The following CCDC138 variants were observed in gnomAD, a reference collection of about 807,000 sequenced individuals.
CCDC138 encodes coiled-coil domain-containing protein 138.
CCDC138 carries 66 observed loss-of-function variants against 82.3 expected under a neutral mutation model. The observed-to-expected ratio is 0.80, with a 90% CI of 0.66 to 0.98. The LOEUF (loss-of-function observed/expected upper bound fraction) is 0.98. Ranked by LOEUF, CCDC138 falls within the 50% of genes least tolerant of loss-of-function variation. CCDC138 has a pLI of 0.00. For synonymous variants in CCDC138, 297 were observed against 265.4 expected, an observed-to-expected ratio of 1.12 and a Z score of -1.16; for missense variants, 816 against 758.9, an observed-to-expected ratio of 1.08 and a Z score of -0.88.
At chr2:108,838,709 C>A (rs1388121388) in intron 10 of CCDC138, among the ~76,000 whole-genome samples, 2 of 152,106 alleles carry the variant, frequency 1.3e-5, no homozygotes, top group Non-Finnish European at 2.9e-5. Flanking sequence ...AATAGTACTC[C>A]AGTTTCTGAA....
At chr2:108,792,736 A>T (rs184478045) in intron 4 of CCDC138, among the ~76,000 whole-genome samples, 1 of 152,296 alleles carries the variant, frequency 6.6e-6, no homozygotes, top group African/African-American at 2.4e-5. Context: ...CCTTTTTTAA[A>T]GCTGGGGCTT....
At position 108,813,027 on chromosome 2, in the gene CCDC138, A is replaced by C. The variant is rs559908660; in HGVS notation, c.1041+100A>C. 1.1e-5 allele frequency: 10 copies of C among 880,688 alleles called. No homozygotes were observed. In the African/African-American group the frequency reaches 1.7e-4, roughly 15 times the overall value. The allele number at this position is 880,688 out of a possible 1,614,324, so 54.6% of individuals were successfully genotyped here. A position where few individuals can be genotyped will look rare whatever the true frequency, so the allele number is the denominator to read the frequency against. ...CACTTTGGGAGGCTGAGATGGGCGG[A>C]TCACGATGTCAGGAGATCGAGACCA... On this transcript the variant is annotated intron_variant, in intron 9 of 14. Coordinates refer to ENST00000295124, the MANE Select transcript of CCDC138 (RefSeq NM_144978.3).
intron 12 of CCDC138, among the ~76,000 whole-genome samples, chr2:108,855,763 C>G (rs1252569744): frequency 6.6e-6 from 1 of 152,056 alleles, no homozygotes; most frequent in African/African-American, 2.4e-5. Flanking sequence ...TCTTAATAAC[C>G]AGGGTTTTAA....
chr2:108,827,740 C>T (rs1210002952), intron 10 of CCDC138, among the ~76,000 whole-genome samples: 2 of 151,402 alleles, frequency 1.3e-5, no homozygotes, highest in Non-Finnish European at 2.9e-5. Flanking sequence ...GGCATGAACC[C>T]AGGAGGCGGA....
Position 108,787,089 on chromosome 2 carries a change from C to CTGCGGGGG in CCDC138, c.93+186_93+193dup, listed in dbSNP as rs1553505325. Among the ~76,000 whole-genome samples, 167 of 152,048 alleles carry CTGCGGGGG rather than the reference C, an allele frequency of 1.1e-3. 1 individual carries two copies. Among genetic ancestry groups the CTGCGGGGG allele is most frequent in the African/African-American group, 3.8e-3 (159 of 41,446 alleles). Reference sequence around the variant, plus strand: ...GCAGGCGGGAGGGGCGGGCGTTGCGCTGCGGGGGTGCGGGGGTGCCGCTTC... The same window carrying CTGCGGGGG: ...GCAGGCGGGAGGGGCGGGCGTTGCGCTGCGGGGGTGCGGGGGTGCGGGGGTGCCGCTTC... On this transcript the variant is annotated intron_variant, in intron 1 of 14. Coordinates refer to ENST00000295124, the MANE Select transcript of CCDC138 (RefSeq NM_144978.3).
intron 10 of CCDC138, among the ~76,000 whole-genome samples, chr2:108,822,203 C>A (rs960886377): frequency 6.6e-6 from 1 of 152,012 alleles, no homozygotes; most frequent in Non-Finnish European, 1.5e-5. Context: ...AAAACTGTTA[C>A]AAGAGACAAA....
chr2:108,865,976 T>C (rs879553503), intron 13 of CCDC138, among the ~76,000 whole-genome samples: 26 of 152,176 alleles, frequency 1.7e-4, no homozygotes, highest in Non-Finnish European at 3.1e-4. Flanking sequence ...CCTCTTTCTC[T>C]TCCTGGGGAG....
At chr2:108,842,319 G>GT (rs1689640773) in intron 11 of CCDC138, among the ~76,000 whole-genome samples, 1 of 151,696 alleles carries the variant, frequency 6.6e-6, no homozygotes, top group Non-Finnish European at 1.5e-5. Flanking sequence ...AATTACAGAC[G>GT]TGAGCCAACC....
Position 108,798,427 on chromosome 2 carries a change from G to A in CCDC138, c.577-1G>A. 1 of 1,611,006 alleles carries A rather than the reference G, an allele frequency of 6.2e-7. No individual in the cohort carries two copies. The highest frequency in any genetic ancestry group is 1.3e-5 in the African/African-American group (1 of 74,748). On this transcript the variant is annotated splice_acceptor_variant, in intron 5 of 14. Coordinates refer to ENST00000295124, the MANE Select transcript of CCDC138 (RefSeq NM_144978.3). LOFTEE classifies it high-confidence loss of function. ...CATTAAAGTCTGGCATTTTGATACAGTGTGAAACTGCAGCACAACAGAAAT... is the reference window on the plus strand; with the variant it reads ...CATTAAAGTCTGGCATTTTGATACAATGTGAAACTGCAGCACAACAGAAAT...
At chr2:108,853,135 T>C (rs1190493330) in intron 12 of CCDC138, among the ~76,000 whole-genome samples, 2 of 152,198 alleles carry the variant, frequency 1.3e-5, no homozygotes, top group Non-Finnish European at 2.9e-5. Flanking sequence ...GATAAATAGC[T>C]GATAGACCCA....
chr2:108,881,757 G>A (rs748178395), intron 1 of CCDC138, among the ~76,000 whole-genome samples: 9 of 152,226 alleles, frequency 5.9e-5, no homozygotes, highest in African/African-American at 1.7e-4. Flanking sequence ...CAGCCAGTCA[G>A]TGGAGCAGTC....
chr2:108,836,142 G>A (rs895144317), intron 10 of CCDC138, among the ~76,000 whole-genome samples: 3 of 151,970 alleles, frequency 2.0e-5, no homozygotes, highest in Non-Finnish European at 2.9e-5. Context: ...AAACCATAGC[G>A]CTTATTAAAT....
chr2:108,798,831 A>ACACC (rs1681388437), intron 6 of CCDC138, among the ~76,000 whole-genome samples: 1 of 150,600 alleles, frequency 6.6e-6, no homozygotes. Context: ...ACACACACAC[A>ACACC]CACACACACA....
intron 10 of CCDC138, among the ~76,000 whole-genome samples, chr2:108,820,482 C>T (rs567537990): frequency 1.3e-5 from 2 of 152,052 alleles, no homozygotes; most frequent in South Asian, 4.2e-4. Flanking sequence ...CATACAAGTT[C>T]AAGAAACTCA....
At chr2:108,792,974 G>C (rs1214014606) in intron 4 of CCDC138, among the ~76,000 whole-genome samples, 2 of 151,858 alleles carry the variant, frequency 1.3e-5, no homozygotes, top group Non-Finnish European at 2.9e-5. Context: ...TGAGGCAGGA[G>C]AATCACTTGA....
At chr2:108,848,769 ATAAT>A (rs1160923499) in intron 12 of CCDC138, among the ~76,000 whole-genome samples, 9 of 152,206 alleles carry the variant, frequency 5.9e-5, no homozygotes, top group African/African-American at 9.6e-5. Context: ...AAAATGAGTA[ATAAT>A]TTATTTAATA....
intron 6 of CCDC138, among the ~76,000 whole-genome samples, chr2:108,799,250 G>A (rs1173901439): frequency 6.6e-6 from 1 of 152,018 alleles, no homozygotes; most frequent in Non-Finnish European, 1.5e-5. Context: ...AATATTTTTG[G>A]CAAGGATATT....
rs939769201 is a variant in CCDC138 at position 108,876,471 on chromosome 2, G to A, written c.*218G>A. 4.8e-5 allele frequency: 16 copies of A among 330,866 alleles called. No individual in the cohort carries two copies. In the South Asian group the frequency reaches 8.3e-4, roughly 17 times the overall value. The allele number at this position is 330,866 out of a possible 1,614,324, so 20.5% of individuals were successfully genotyped here. ...AGGTAATACTAATATACAAGATGGC[G>A]TTTCTAGAATGTATGACACTGAAGT... is the stretch of plus-strand genomic sequence containing the variant. On this transcript the variant is annotated 3_prime_UTR_variant, in exon 15 of 15. Transcript: ENST00000295124.
chr2:108,814,799 C>A (rs941860223), intron 9 of CCDC138, among the ~76,000 whole-genome samples: 2 of 151,646 alleles, frequency 1.3e-5, no homozygotes, highest in Admixed American at 1.3e-4. Context: ...CCACGCCTGG[C>A]TAATTTTTAT....
Sources: allele counts gnomAD v4.1 joint callset (sites outside exome capture counted in the v4.1 genomes callset), GRCh38; gene constraint gnomAD v4.1.1; transcripts MANE v1.5; gene names NCBI Gene and HGNC (gene_info 2026-07-23, HGNC 2026-07-21).